The following CACNA1H variants were observed in gnomAD, a reference collection of about 807,000 sequenced individuals.
The protein encoded by CACNA1H is calcium voltage-gated channel subunit alpha1 H.
Under a neutral mutation model 192.5 loss-of-function variants are expected in CACNA1H, and 149 were observed. That is an observed-to-expected ratio of 0.77 (90% confidence interval 0.68 to 0.89). The LOEUF is 0.89. CACNA1H is among the 40% of genes least tolerant of loss of function. The pLI is 0.00. For missense variants in CACNA1H, 4,257 were observed against 3,423.5 expected (o/e 1.24, Z -6.08); for synonymous variants, 2,202 against 1,475.2 (o/e 1.49, Z -11.29).
At chr16:1,213,094 C>G (rs749147932) in intron 26 of CACNA1H, among the ~76,000 whole-genome samples, 5 of 152,232 alleles carry the variant, frequency 3.3e-5, no homozygotes, top group Non-Finnish European at 7.3e-5. Context: ...GCACACCTGC[C>G]TGGGGGACAC....
chr16:1,197,796 C>T (rs1967167788), intron 5 of CACNA1H, among the ~76,000 whole-genome samples: 2 of 152,180 alleles, frequency 1.3e-5, no homozygotes, highest in African/African-American at 2.4e-5. Context: ...GTTCCTGGCC[C>T]AGGGCTTTAC....
Position 1,202,028 on chromosome 16 carries a change from C to T in CACNA1H, c.1578C>T (p.His526=). 1 of 1,537,756 alleles carries T rather than the reference C, an allele frequency of 6.5e-7. No individual in the cohort carries two copies. Among genetic ancestry groups the T allele is most frequent in the Non-Finnish European group, 8.7e-7 (1 of 1,144,084 alleles). The change falls in exon 9 of 35, where the codon CAC becomes CAT. Residue 526 remains histidine (H), a synonymous_variant. Coordinates refer to ENST00000348261, the MANE Select transcript of CACNA1H (RefSeq NM_021098.3). ...HLVYHHHHHH[H]HHYHFSHGSP... is the part of the protein sequence containing the mutation. ...TCTACCACCACCATCACCACCACCA[C>T]CACCACTACCATTTCAGCCATGGCA...
rs75248468 is a variant in CACNA1H at position 1,164,039 on chromosome 16, G to T, written c.299+10003G>T. On this transcript the variant is annotated intron_variant, in intron 2 of 34. Transcript: ENST00000348261. ...GGGTGCGGCCTGTTGGTGCTGCTGG[G>T]GTGTGAGACTGCCTGGCCGCCGGCC... Among the ~76,000 whole-genome samples, 1,400 of 152,306 alleles carry T rather than the reference G, an allele frequency of 9.2e-3. 24 individuals are homozygous for T. The highest frequency in any genetic ancestry group is 0.071 in the East Asian group (369 of 5,170).
intron 10 of CACNA1H, among the ~76,000 whole-genome samples, chr16:1,204,672 C>G (rs929825170): frequency 4.6e-5 from 7 of 152,158 alleles, no homozygotes; most frequent in Non-Finnish European, 7.3e-5. Context: ...CTCTAGACGG[C>G]AGCTGATTAG....
chr16:1,158,339 C>T (rs1298656764), intron 2 of CACNA1H, among the ~76,000 whole-genome samples: 2 of 151,348 alleles, frequency 1.3e-5, no homozygotes, highest in Admixed American at 6.6e-5. Context: ...CTTCCTGGGG[C>T]GATGGGAAGA....
chr16:1,153,659 G>A, intron 1 of CACNA1H, 61 bp from the exon 2 acceptor site: 1 of 1,069,662 alleles, frequency 9.3e-7, no homozygotes, highest in Non-Finnish European at 1.2e-6. Flanking sequence ...GCAGCTCCGC[G>A]CCGCGGGAGG....
intron 2 of CACNA1H, among the ~76,000 whole-genome samples, chr16:1,158,132 C>T (rs1007982203): frequency 5.9e-5 from 9 of 152,198 alleles, no homozygotes; most frequent in Non-Finnish European, 1.3e-4. Context: ...AGCCCTACGG[C>T]CTACCCACGA....
intron 14 of CACNA1H, 88 bp from the exon 15 acceptor site, chr16:1,207,682 C>T (rs1184479398): frequency 1.2e-5 from 15 of 1,241,404 alleles, no homozygotes; most frequent in African/African-American, 7.5e-5. Flanking sequence ...CACACCCCAC[C>T]TCCCAGGCCA....
intron 2 of CACNA1H, among the ~76,000 whole-genome samples, chr16:1,164,833 C>G (rs545001665): frequency 6.6e-6 from 1 of 152,296 alleles, no homozygotes; most frequent in African/African-American, 2.4e-5. Flanking sequence ...CGGCTGTCCA[C>G]AGCCCTGGGG....
Position 1,165,981 on chromosome 16 carries a change from C to G in CACNA1H, c.299+11945C>G, listed in dbSNP as rs182618143. ...CGTGCATCTTTTAATTGTGGTGGCT[C>G]TTTCTGGGCTGAGGTCCCTTCTCGG... On this transcript the variant is annotated intron_variant, in intron 2 of 34. Coordinates refer to ENST00000348261, the MANE Select transcript of CACNA1H (RefSeq NM_021098.3). 4.8e-4 allele frequency among the ~76,000 whole-genome samples: 73 copies of G among 152,268 alleles called. 2 individuals carry two copies. The Middle Eastern group carries it at 0.01, about 21-fold the overall frequency.
In CACNA1H at chr16:1,220,604, G is replaced by C. The variant is rs764354954; in HGVS notation, c.6672G>C (p.Glu2224Asp). The change falls in exon 35 of 35, where the codon GAG becomes GAC. Residue 2224 changes from glutamate (E) to aspartate (D), a missense_variant. Coordinates refer to ENST00000348261, the MANE Select transcript of CACNA1H (RefSeq NM_021098.3). ...TTLRRRTPSC[E>D]ATPHRDSLEP... ...TGAGGCGCAGGACCCCGTCCTGTGA[G>C]GCCACGCCTCACAGGGACTCCCTGG... The C allele has an allele frequency of 2.7e-5, 42 of 1,564,040 alleles. No homozygotes were observed. The highest frequency in any genetic ancestry group is 3.6e-5 in the Non-Finnish European group (42 of 1,160,800).
intron 8 of CACNA1H, 102 bp downstream of exon 8, chr16:1,200,910 C>T (rs1223151295): frequency 2.3e-6 from 2 of 854,250 alleles, no homozygotes; most frequent in African/African-American, 1.7e-5. Flanking sequence ...GTCTGTCTTC[C>T]AGCTGAAGGG....
rs1021892651 is a variant in CACNA1H, at chr16:1,217,843, A to G, written c.5324-76A>G. On this transcript the variant is annotated intron_variant, in intron 31 of 34. Transcript: ENST00000348261. Reference sequence around the variant, plus strand: ...CCTGCCTCTGGGCTCCCCAAGGGGCATGTGGAGGCTGGGTGCATGTCCCGC... The same window carrying G: ...CCTGCCTCTGGGCTCCCCAAGGGGCGTGTGGAGGCTGGGTGCATGTCCCGC... The G allele has an allele frequency of 2.0e-6, 3 of 1,499,316 alleles. No individual in the cohort carries two copies. In the African/African-American group the frequency reaches 4.2e-5, roughly 21 times the overall value. 92.9% of individuals were successfully genotyped at this position (1,499,316 alleles called of 1,614,324 possible).
rs779220684 is a variant in CACNA1H, at chr16:1,201,716, C to T, written c.1266C>T (p.Phe422=). The change falls in exon 9 of 35, where the codon TTC becomes TTT. Residue 422 remains phenylalanine (F), a synonymous_variant. Transcript: ENST00000348261. ...GCCTGGTGGTGATTGCCACGCAGTT[C>T]TCGGAGACGAAGCAGCGGGAGAGTC... ...NLCLVVIATQ[F]SETKQRESQL... is the part of the protein sequence containing the mutation. 3.9e-5 allele frequency: 63 copies of T among 1,610,564 alleles called. No homozygotes were observed. The highest frequency in any genetic ancestry group is 3.1e-4 in the African/African-American group (23 of 74,906).
At position 1,215,412 on chromosome 16, in the gene CACNA1H, G is replaced by A. The variant is rs200739898; in HGVS notation, c.5173+37G>A. 0.014 allele frequency: 21,878 copies of A among 1,594,804 alleles called. 181 individuals are homozygous for A. Among genetic ancestry groups the A allele is most frequent in the Non-Finnish European group, 0.016 (18,901 of 1,171,166 alleles). Reference sequence around the variant, plus strand: ...CGTGCCCGCCAGGTTCTCTCTGCGGGTGGAGGGTGGGGGCTCAGCCATGGG... The same window carrying A: ...CGTGCCCGCCAGGTTCTCTCTGCGGATGGAGGGTGGGGGCTCAGCCATGGG... On this transcript the variant is annotated intron_variant, in intron 29 of 34. Coordinates refer to ENST00000348261, the MANE Select transcript of CACNA1H (RefSeq NM_021098.3).
rs778266598 is a variant in CACNA1H, at chr16:1,153,836, C to T, written c.99C>T (p.Pro33=). The change falls in exon 2 of 35, where the codon CCC becomes CCT. Residue 33 remains proline (P), a synonymous_variant. Coordinates refer to ENST00000348261, the MANE Select transcript of CACNA1H (RefSeq NM_021098.3). The stretch of plus-strand genomic sequence containing the variant: ...TGGTGGGGGCGTCCCCGGAGAGCCC[C>T]GGGGCGCCGGGACGCGAGGCGGAGC... ...AALVGASPES[P]GAPGREAERG... 6 of 1,309,832 alleles carry T rather than the reference C, an allele frequency of 4.6e-6. No homozygotes were observed. The highest frequency in any genetic ancestry group is 5.8e-6 in the Non-Finnish European group (6 of 1,031,078). The allele number at this position is 1,309,832 out of a possible 1,614,324, so 81.1% of individuals were successfully genotyped here.
intron 27 of CACNA1H, among the ~76,000 whole-genome samples, chr16:1,214,200 C>G (rs1050241544): frequency 3.3e-5 from 5 of 152,152 alleles, no homozygotes; most frequent in African/African-American, 4.8e-5. Flanking sequence ...GAGGGGCTGG[C>G]AGGACGTGAG....
intron 5 of CACNA1H, among the ~76,000 whole-genome samples, chr16:1,196,483 C>T (rs972787358): frequency 1.3e-5 from 2 of 152,190 alleles, no homozygotes; most frequent in East Asian, 1.9e-4. Flanking sequence ...GAGAGCCTGA[C>T]ACCTGTCCTG....
At chr16:1,172,989 A>AGG (rs1964519487) in intron 2 of CACNA1H, among the ~76,000 whole-genome samples, 1 of 105,366 alleles carries the variant, frequency 9.5e-6, no homozygotes, top group Admixed American at 9.7e-5. Context: ...CCTGGGAGGG[A>AGG]GGGGAGGGGT....
Sources: gnomAD v4.1 joint callset for allele counts (sites outside exome capture counted in the v4.1 genomes callset) on GRCh38, gnomAD v4.1.1 for gene constraint, MANE v1.5 for transcripts, NCBI Gene and HGNC (gene_info 2026-07-23, HGNC 2026-07-21) for gene names.